SATB2: variants seen among roughly 807,000 people sequenced by gnomAD.
SATB2 encodes the protein SATB homeobox 2, also known as DNA-binding protein SATB2.
Under a neutral mutation model 73.4 loss-of-function variants are expected in SATB2, and 1 was observed. The ratio of observed to expected loss-of-function variants is 0.01; its 90% CI spans 0.00 to 0.06. The LOEUF is 0.06. SATB2 is among the 10% of genes least tolerant of loss of function. The probability of loss-of-function intolerance (pLI) is 1.00; values close to 1 mark genes in which losing one functional copy is unlikely to be tolerated. For missense variants in SATB2, 459 were observed against 945.8 expected, an observed-to-expected ratio of 0.49 and a Z score of 6.75; for synonymous variants, 397 against 367.0, an observed-to-expected ratio of 1.08 and a Z score of -0.93.
intron 2 of SATB2, among the ~76,000 whole-genome samples, chr2:199,452,736 C>T (rs1390395869): frequency 6.6e-6 from 1 of 152,022 alleles, no homozygotes; most frequent in African/African-American, 2.4e-5. Flanking sequence ...AAACTCTCTC[C>T]TAGCCTTCAT....
intron 10 of SATB2, among the ~76,000 whole-genome samples, chr2:199,290,044 T>C (rs1453205894): frequency 6.6e-6 from 1 of 152,194 alleles, no homozygotes; most frequent in Non-Finnish European, 1.5e-5. Context: ...CCCCGTAACC[T>C]CACTGCAGCC....
At chr2:199,281,328 TA>T (rs1179245297) in intron 10 of SATB2, among the ~76,000 whole-genome samples, 1 of 151,590 alleles carries the variant, frequency 6.6e-6, no homozygotes, top group Non-Finnish European at 1.5e-5. Flanking sequence ...GGTGACTGTA[TA>T]AGGTGGTTGA....
intron 3 of SATB2, among the ~76,000 whole-genome samples, chr2:199,429,792 C>A (rs1691445184): frequency 6.6e-6 from 1 of 152,146 alleles, no homozygotes. Context: ...CGCCTGTAAT[C>A]CCAGCTATTT....
chr2:199,278,024 AG>A (rs1559138778), intron 10 of SATB2, among the ~76,000 whole-genome samples: 1 of 152,164 alleles, frequency 6.6e-6, no homozygotes, highest in Non-Finnish European at 1.5e-5. Flanking sequence ...CAAAGTCTTT[AG>A]AGTAGAGGAG....
intron 2 of SATB2, among the ~76,000 whole-genome samples, chr2:199,454,169 T>A (rs781314325): frequency 6.6e-6 from 1 of 152,100 alleles, no homozygotes; most frequent in Non-Finnish European, 1.5e-5. Context: ...CAACATGATA[T>A]AGAGGAGGGG....
intron 1 of SATB2, chr2:199,470,718 C>T (rs916369924): frequency 1.3e-5 from 2 of 152,376 alleles, no homozygotes; most frequent in African/African-American, 4.8e-5. Context: ...ACCCACCACA[C>T]CAGTGGGTAC....
In SATB2 at chr2:199,321,249, C is replaced by T. The variant is rs541582641; in HGVS notation, c.1542+2554G>A. On this transcript the variant is annotated intron_variant, in intron 9 of 10. Transcript: ENST00000417098. ...AAGTCTATAAGGTGTATATATATGA[C>T]TAAGATATATATATCCATAAGGTGT... is the stretch of plus-strand genomic sequence containing the variant. 3.3e-5 allele frequency among the ~76,000 whole-genome samples: 5 copies of T among 151,374 alleles called. No individual in the cohort carries two copies. In the East Asian group the frequency reaches 9.8e-4, roughly 30 times the overall value.
At chr2:199,319,570 C>T (rs369005030) in intron 9 of SATB2, among the ~76,000 whole-genome samples, 30 of 152,064 alleles carry the variant, frequency 2.0e-4, no homozygotes, top group East Asian at 7.8e-4. Context: ...CACAGCCCTT[C>T]GGAAGTTTTT....
chr2:199,278,276 G>A (rs538388755), intron 10 of SATB2, among the ~76,000 whole-genome samples: 9 of 152,192 alleles, frequency 5.9e-5, no homozygotes, highest in African/African-American at 1.2e-4. Context: ...TTGCAAAACC[G>A]CAAGAAAGTC....
At chr2:199,279,961 T>C (rs1047932057) in intron 10 of SATB2, among the ~76,000 whole-genome samples, 2 of 152,120 alleles carry the variant, frequency 1.3e-5, no homozygotes, top group African/African-American at 4.8e-5. Flanking sequence ...GACAACATGG[T>C]AAAACCCTGT....
intron 7 of SATB2, among the ~76,000 whole-genome samples, chr2:199,338,664 TC>T (rs769316923): frequency 2.6e-5 from 4 of 152,092 alleles, no homozygotes; most frequent in Non-Finnish European, 4.4e-5. Context: ...ACGCCTGTAA[TC>T]CCAGCACTTT....
chr2:199,398,363 C>T (rs1690366752), intron 3 of SATB2, among the ~76,000 whole-genome samples: 1 of 152,192 alleles, frequency 6.6e-6, no homozygotes, highest in African/African-American at 2.4e-5. Context: ...TATGCTCTTT[C>T]TCATATTGAT....
rs1346366337 is a variant in SATB2, at chr2:199,363,945, G to T, written c.700+4660C>A. Among the ~76,000 whole-genome samples the T allele has an allele frequency of 2.0e-5, 3 of 152,298 alleles. No homozygotes were observed. In the South Asian group the frequency reaches 6.2e-4, roughly 32 times the overall value. The stretch of plus-strand genomic sequence containing the variant: ...GAAGCTGAAAGCAAATTTCTCTCAT[G>T]ACAGAAAAATTAGGTAGACAAAAGT... On this transcript the variant is annotated intron_variant, in intron 6 of 10. Transcript: ENST00000417098.
chr2:199,298,236 A>G (rs2105752907), intron 10 of SATB2, among the ~76,000 whole-genome samples: 1 of 152,326 alleles, frequency 6.6e-6, no homozygotes, highest in Admixed American at 6.5e-5. Flanking sequence ...ATTTGGGATT[A>G]TTCTCGCAAA....
intron 3 of SATB2, among the ~76,000 whole-genome samples, chr2:199,418,802 G>A (rs774962280): frequency 2.0e-5 from 3 of 152,158 alleles, no homozygotes; most frequent in Non-Finnish European, 2.9e-5. Flanking sequence ...TCATCAGGCT[G>A]GAATCAGATG....
At chr2:199,389,407 C>G (rs1559023910) in intron 3 of SATB2, among the ~76,000 whole-genome samples, 2 of 152,102 alleles carry the variant, frequency 1.3e-5, no homozygotes, top group African/African-American at 4.8e-5. Flanking sequence ...TTACATTATT[C>G]AAGTGCCTTT....
chr2:199,343,677 C>T (rs1688569824), intron 7 of SATB2, among the ~76,000 whole-genome samples: 1 of 152,168 alleles, frequency 6.6e-6, no homozygotes. Context: ...AGGTTATGAT[C>T]CCAGAGGGAT....
rs542463391 is a variant in SATB2, at chr2:199,440,615, CTCTAG to C, written c.170-7106_170-7102del. Among the ~76,000 whole-genome samples the C allele has an allele frequency of 5.3e-5, 8 of 152,256 alleles. No homozygotes were observed. In the East Asian group the frequency reaches 1.5e-3, roughly 29 times the overall value. On this transcript the variant is annotated intron_variant, in intron 2 of 10. Coordinates refer to ENST00000417098, the MANE Select transcript of SATB2 (RefSeq NM_001172509.2). ...CAGGTCCACAGGTGGACCAGAGGCC[CTCTAG>C]GCTCCCCCAGCTGCTCCAGTTTTCA...
At chr2:199,288,592 T>C (rs974710541) in intron 10 of SATB2, among the ~76,000 whole-genome samples, 8 of 152,208 alleles carry the variant, frequency 5.3e-5, no homozygotes, top group African/African-American at 1.7e-4. Flanking sequence ...GTGAAAATAT[T>C]AGATGTTCAC....
Sources: gnomAD v4.1 joint callset for allele counts (sites outside exome capture counted in the v4.1 genomes callset) on GRCh38, gnomAD v4.1.1 for gene constraint, MANE v1.5 for transcripts, NCBI Gene and HGNC (gene_info 2026-07-23, HGNC 2026-07-21) for gene names.